The following ENAH variants were observed in gnomAD, a reference collection of about 807,000 sequenced individuals.
ENAH encodes the protein protein enabled homolog.
Under a neutral mutation model 78.7 loss-of-function variants are expected in ENAH, and 23 were observed. That is an observed-to-expected ratio of 0.29 (90% CI 0.21 to 0.41). The LOEUF (loss-of-function observed/expected upper bound fraction) is 0.41, where lower values mean the gene tolerates loss of function less well. Ranked by LOEUF, ENAH falls within the 10% of genes least tolerant of loss-of-function variation. The pLI is 1.00. For missense variants in ENAH, 544 were observed against 691.0 expected (o/e 0.79, Z 2.39); for synonymous variants, 226 against 241.0 (o/e 0.94, Z 0.58).
chr1:225,590,082 AAC>A (rs3050220), intron 1 of ENAH, among the ~76,000 whole-genome samples: 31,498 of 131,094 alleles, frequency 0.24, 3,646 homozygotes, highest in Non-Finnish European at 0.27. Flanking sequence ...CTCATCACTC[AAC>A]ACACACACAC....
chr1:225,571,765 T>C (rs1270513996), intron 1 of ENAH, among the ~76,000 whole-genome samples: 3 of 152,020 alleles, frequency 2.0e-5, no homozygotes, highest in East Asian at 3.9e-4. Context: ...GAAACTTCCA[T>C]AAAAACCCTG....
At chr1:225,652,150 C>G (rs1663135979) in intron 1 of ENAH, among the ~76,000 whole-genome samples, 1 of 152,048 alleles carries the variant, frequency 6.6e-6, no homozygotes, top group East Asian at 1.9e-4. Context: ...TCCCTTCCCC[C>G]ACCATCGTGA....
chr1:225,557,283 C>T (rs767854128), intron 2 of ENAH, among the ~76,000 whole-genome samples: 22 of 152,138 alleles, frequency 1.4e-4, no homozygotes, highest in South Asian at 4.2e-4. Context: ...TATTATTAAT[C>T]GAGTTCTAAG....
intron 3 of ENAH, among the ~76,000 whole-genome samples, chr1:225,536,066 A>G (rs1236501240): frequency 1.3e-5 from 2 of 152,150 alleles, no homozygotes; most frequent in East Asian, 1.9e-4. Context: ...ACACTGCAAT[A>G]AAGAGTTTTA....
At chr1:225,524,493 G>A in intron 4 of ENAH, 1 of 447,160 alleles carries the variant, frequency 2.2e-6, no homozygotes, top group Non-Finnish European at 3.0e-6. Flanking sequence ...TGTATAACAT[G>A]AGCATTTCAC....
chr1:225,628,704 A>C (rs1658397645), intron 1 of ENAH, among the ~76,000 whole-genome samples: 1 of 151,994 alleles, frequency 6.6e-6, no homozygotes, highest in South Asian at 2.1e-4. Context: ...TGAGGTCAGG[A>C]GTTCGAGACC....
chr1:225,642,209 G>GAA (rs1238636547), intron 1 of ENAH, among the ~76,000 whole-genome samples: 228 of 83,308 alleles, frequency 2.7e-3, no homozygotes, highest in African/African-American at 4.0e-3. Context: ...TCCATCTCAG[G>GAA]AAAAAAAAAA....
intron 3 of ENAH, among the ~76,000 whole-genome samples, chr1:225,539,886 A>G (rs2096581250): frequency 6.6e-6 from 1 of 152,202 alleles, no homozygotes; most frequent in Non-Finnish European, 1.5e-5. Flanking sequence ...ACTCAGAGTT[A>G]CTATTAGCCC....
chr1:225,631,893 T>C (rs895668330), intron 1 of ENAH, among the ~76,000 whole-genome samples: 6 of 152,216 alleles, frequency 3.9e-5, no homozygotes, highest in Admixed American at 1.3e-4. Context: ...CTTCAGTTTA[T>C]TTTCTAAAAA....
rs547593553 is a variant in ENAH at position 225,639,439 on chromosome 1, C to T, written c.5+13247G>A. Among the ~76,000 whole-genome samples, 12 of 152,244 alleles carry T rather than the reference C, an allele frequency of 7.9e-5. No individual in the cohort carries two copies. The East Asian group carries it at 2.3e-3, about 29-fold the overall frequency. ...GATTCGGCCATGGGCATTCCACCCC[C>T]ATCAATCGATTAATAACATTATGAT... On this transcript the variant is annotated intron_variant, in intron 1 of 13. Coordinates refer to ENST00000366843, the MANE Select transcript of ENAH (RefSeq NM_018212.6).
intron 3 of ENAH, among the ~76,000 whole-genome samples, chr1:225,545,909 ACTT>A (rs1404822248): frequency 1.8e-5 from 2 of 110,000 alleles, no homozygotes; most frequent in Non-Finnish European, 3.5e-5. Context: ...ACATCTGTAA[ACTT>A]TTTTTTTTTT....
At chr1:225,604,051 T>C (rs1166219048) in intron 1 of ENAH, among the ~76,000 whole-genome samples, 5 of 152,216 alleles carry the variant, frequency 3.3e-5, no homozygotes, top group Admixed American at 6.5e-5. Flanking sequence ...TAATTTCAAC[T>C]AGAAACTTCT....
chr1:225,522,937 C>A (rs919002707), intron 4 of ENAH, among the ~76,000 whole-genome samples: 3 of 152,130 alleles, frequency 2.0e-5, no homozygotes, highest in Non-Finnish European at 2.9e-5. Context: ...ACCAAAACAA[C>A]ATAAATATAT....
intron 11 of ENAH, among the ~76,000 whole-genome samples, chr1:225,503,718 A>G (rs12022013): frequency 0.091 from 13,292 of 146,494 alleles, 668 homozygotes; most frequent in Admixed American, 0.14. Context: ...ACATTTTGTG[A>G]AGATTTAACT....
chr1:225,602,659 T>TA (rs1461924296), intron 1 of ENAH, among the ~76,000 whole-genome samples: 1 of 151,998 alleles, frequency 6.6e-6, no homozygotes, highest in Non-Finnish European at 1.5e-5. Context: ...AAATATAAAA[T>TA]AGAGACTTCA....
chr1:225,512,071 G>A (rs1267882530), intron 9 of ENAH, among the ~76,000 whole-genome samples: 1 of 152,058 alleles, frequency 6.6e-6, no homozygotes, highest in Non-Finnish European at 1.5e-5. Context: ...TTCCTCATGT[G>A]TTCTCCTTGA....
chr1:225,544,687 C>T (rs1184250478), intron 3 of ENAH, among the ~76,000 whole-genome samples: 1 of 152,170 alleles, frequency 6.6e-6, no homozygotes, highest in Non-Finnish European at 1.5e-5. Context: ...AATGAGGCTT[C>T]ATAAGCTAAA....
intron 2 of ENAH, among the ~76,000 whole-genome samples, chr1:225,562,813 A>AC (rs1489267837): frequency 6.6e-6 from 1 of 151,930 alleles, no homozygotes; most frequent in Non-Finnish European, 1.5e-5. Context: ...CCATTAAGAT[A>AC]TGTAAGAATG....
chr1:225,528,630 C>T (rs1008698509), intron 4 of ENAH, among the ~76,000 whole-genome samples: 2 of 152,024 alleles, frequency 1.3e-5, no homozygotes, highest in Non-Finnish European at 2.9e-5. Flanking sequence ...AAACCCATGA[C>T]CAAGTAGAAA....
Sources: allele counts gnomAD v4.1 joint callset (sites outside exome capture counted in the v4.1 genomes callset), GRCh38; gene constraint gnomAD v4.1.1; transcripts MANE v1.5; gene names NCBI Gene and HGNC (gene_info 2026-07-23, HGNC 2026-07-21).